NRP2: variants seen among roughly 807,000 people sequenced by gnomAD.
NRP2 encodes neuropilin 2.
A neutral mutation model predicts 110.4 loss-of-function variants in NRP2; 52 were observed. That is an observed-to-expected ratio of 0.47 (90% CI 0.38 to 0.59). The LOEUF is 0.59. NRP2 is among the 20% of genes least tolerant of loss of function. The pLI, the probability that NRP2 is intolerant of heterozygous loss-of-function variation, is 0.00. For missense variants in NRP2, 1,049 were observed against 1,203.0 expected, an observed-to-expected ratio of 0.87 and a Z score of 1.89; for synonymous variants, 508 against 468.9, an observed-to-expected ratio of 1.08 and a Z score of -1.08.
At position 205,725,707 on chromosome 2, in the gene NRP2, G is replaced by A. The variant is rs900332164; in HGVS notation, c.821-206G>A. 6.6e-6 allele frequency among the ~76,000 whole-genome samples: 1 copy of A among 152,108 alleles called. No homozygotes were observed. The highest frequency in any genetic ancestry group is 1.5e-5 in the Non-Finnish European group (1 of 68,032). The stretch of plus-strand genomic sequence containing the variant: ...TTATCCATAGCCTGATTTCTTTTAG[G>A]TCCCATTTAGTTTCTCTCAGACCCA... On this transcript the variant is annotated intron_variant, in intron 5 of 16. Coordinates refer to ENST00000357785, the MANE Select transcript of NRP2 (RefSeq NM_003872.3). This position sits in a 1 kb window ranked among gnomAD's most constrained non-coding sequence, Gnocchi z 4.1.
At chr2:205,685,669 C>G (rs922266548) in intron 1 of NRP2, 2 of 152,634 alleles carry the variant, frequency 1.3e-5, no homozygotes, top group Non-Finnish European at 2.9e-5. Flanking sequence ...GCAGTGCAGC[C>G]GCTAGCCTGC....
At position 205,740,568 on chromosome 2, in the gene NRP2, A is replaced by G. The variant is rs767062968; in HGVS notation, c.1196A>G (p.His399Arg). 1 of 1,614,082 alleles carries G rather than the reference A, an allele frequency of 6.2e-7. No individual in the cohort carries two copies. Among genetic ancestry groups the G allele is most frequent in the Admixed American group, 1.7e-5 (1 of 60,006 alleles). ...DATEVVLNKLHAPLLTRFVRI... is the reference protein window; with the variant it reads ...DATEVVLNKLRAPLLTRFVRI... ...ACTGAGGTGGTTCTGAACAAGCTCC[A>G]CGCTCCACTGCTGACAAGGTTTGTT... The change falls in exon 8 of 17, where the codon CAC (histidine) becomes CGC (arginine). Residue 399 changes from histidine (H) to arginine (R), a missense_variant. By Grantham distance (29) the His-to-Arg change is conservative. Coordinates refer to ENST00000357785, the MANE Select transcript of NRP2 (RefSeq NM_003872.3).
intron 2 of NRP2, among the ~76,000 whole-genome samples, chr2:205,714,593 C>A (rs1258176471): frequency 1.3e-5 from 2 of 152,180 alleles, no homozygotes; most frequent in Admixed American, 1.3e-4. Context: ...AAGTCAGCAC[C>A]ATCTCCCACA....
In NRP2 at chr2:205,763,229, A is replaced by G. The variant is rs2105917586; in HGVS notation, c.2045-445A>G. 6.6e-6 allele frequency among the ~76,000 whole-genome samples: 1 copy of G among 152,196 alleles called. No individual in the cohort carries two copies. Among genetic ancestry groups the G allele is most frequent in the African/African-American group, 2.4e-5 (1 of 41,502 alleles). ...ACCACCTGGTCATAGTCACCCTCCAATCTAGCAGCCCCCCACCCCCTATAA... is the reference window on the plus strand; with the variant it reads ...ACCACCTGGTCATAGTCACCCTCCAGTCTAGCAGCCCCCCACCCCCTATAA... On this transcript the variant is annotated intron_variant, in intron 12 of 16. Coordinates refer to ENST00000357785, the MANE Select transcript of NRP2 (RefSeq NM_003872.3). This position sits in a 1 kb window ranked among gnomAD's most constrained non-coding sequence, Gnocchi z 4.0.
intron 15 of NRP2, among the ~76,000 whole-genome samples, chr2:205,770,814 GAGCAAGAA>G (rs1027836371): frequency 1.2e-4 from 19 of 152,252 alleles, no homozygotes; most frequent in African/African-American, 4.3e-4. Flanking sequence ...AGGTGTTGCT[GAGCAAGAA>G]AGCATGGAGA....
intron 7 of NRP2, among the ~76,000 whole-genome samples, chr2:205,728,891 G>A (rs2057182300): frequency 6.6e-6 from 1 of 152,230 alleles, no homozygotes; most frequent in Admixed American, 6.5e-5. Flanking sequence ...AGGTCTGGAA[G>A]GAGAGTGTGA....
At chr2:205,737,630 A>T (rs2057367947) in intron 7 of NRP2, among the ~76,000 whole-genome samples, 1 of 152,254 alleles carries the variant, frequency 6.6e-6, no homozygotes, top group Non-Finnish European at 1.5e-5. Context: ...ATGTGAACAC[A>T]AAGTCAAGAG....
At chr2:205,722,210 C>CAT in intron 3 of NRP2, 1 of 449,736 alleles carries the variant, frequency 2.2e-6, no homozygotes, top group Non-Finnish European at 4.1e-6. Flanking sequence ...CACACACACA[C>CAT]ACTTCTCTGT....
intron 15 of NRP2, among the ~76,000 whole-genome samples, chr2:205,785,227 G>C (rs141462487): frequency 9.5e-4 from 145 of 152,232 alleles, no homozygotes; most frequent in African/African-American, 3.4e-3. Context: ...TTTCTCACTT[G>C]TCCAAGGTTG....
chr2:205,729,106 G>A (rs917415462), intron 7 of NRP2, among the ~76,000 whole-genome samples: 2 of 152,226 alleles, frequency 1.3e-5, no homozygotes, highest in Non-Finnish European at 1.5e-5. Context: ...TCACTGCCCC[G>A]AGGCAGCTTG....
At chr2:205,770,171 C>T (rs191939355) in intron 15 of NRP2, among the ~76,000 whole-genome samples, 1 of 152,250 alleles carries the variant, frequency 6.6e-6, no homozygotes, top group Admixed American at 6.5e-5. Context: ...CTGTCCTACG[C>T]TAGTGGATGC....
intron 15 of NRP2, among the ~76,000 whole-genome samples, chr2:205,780,762 T>C (rs774373416): frequency 3.3e-5 from 5 of 152,182 alleles, no homozygotes; most frequent in Admixed American, 6.5e-5. Flanking sequence ...AAGGAGTGCT[T>C]TTTACAGCTG....
chr2:205,764,422 C>T, intron 13 of NRP2: 1 of 176,354 alleles, frequency 5.7e-6, no homozygotes, highest in Non-Finnish European at 1.2e-5. Flanking sequence ...AGTGCTCTCT[C>T]TCTCTCACCA....
At chr2:205,768,514 C>A (rs1230342746) in intron 15 of NRP2, 1 of 152,208 alleles carries the variant, frequency 6.6e-6, no homozygotes, top group Non-Finnish European at 1.5e-5. Context: ...TGGCTAAGTG[C>A]TAAGTGCTTC....
At chr2:205,769,190 G>C (rs1160149989) in intron 15 of NRP2, among the ~76,000 whole-genome samples, 2 of 152,192 alleles carry the variant, frequency 1.3e-5, no homozygotes, top group Admixed American at 1.3e-4. Context: ...GGTATGGAAA[G>C]TTGATGTTGA....
chr2:205,745,343 T>A (rs761698155), intron 9 of NRP2, among the ~76,000 whole-genome samples: 10 of 152,134 alleles, frequency 6.6e-5, no homozygotes, highest in Non-Finnish European at 1.2e-4. Flanking sequence ...GAAAAAGAAG[T>A]GTTCCTTTCC....
At chr2:205,764,083 T>C (rs1031297789) in intron 13 of NRP2, 147 bp downstream of exon 13, 79 of 1,007,308 alleles carry the variant, frequency 7.8e-5, no homozygotes, top group Middle Eastern at 2.9e-4. Context: ...CTCTTATTTG[T>C]TATTCAGAAT....
At chr2:205,688,508 T>C (rs991177701) in intron 1 of NRP2, among the ~76,000 whole-genome samples, 3 of 152,190 alleles carry the variant, frequency 2.0e-5, no homozygotes, top group African/African-American at 7.2e-5. Flanking sequence ...CCTAACAGGA[T>C]TCAGTGGAGT....
intron 2 of NRP2, among the ~76,000 whole-genome samples, chr2:205,708,122 T>C (rs1049074995): frequency 1.3e-5 from 2 of 152,240 alleles, no homozygotes; most frequent in Non-Finnish European, 2.9e-5. Context: ...CTTTGCACTC[T>C]GGTATCATTC....
Sources: gnomAD v4.1 joint callset for allele counts (sites outside exome capture counted in the v4.1 genomes callset) on GRCh38, gnomAD v4.1.1 for gene constraint, Gnocchi (gnomAD v3.1) non-coding constraint, MANE v1.5 for transcripts, NCBI Gene and HGNC (gene_info 2026-07-23, HGNC 2026-07-21) for gene names.